The following HPSE2 variants were observed in gnomAD, a reference collection of about 807,000 sequenced individuals.
HPSE2 encodes the protein inactive heparanase-2.
In HPSE2, 38 loss-of-function variants were observed where a neutral mutation model predicts 60.5. The ratio of observed to expected loss-of-function variants is 0.63; its 90% CI spans 0.48 to 0.82. HPSE2 has a LOEUF of 0.82. Ranked by LOEUF, HPSE2 falls within the 40% of genes least tolerant of loss-of-function variation. The probability of loss-of-function intolerance (pLI) is 0.00; values close to 1 mark genes in which losing one functional copy is unlikely to be tolerated. For synonymous variants in HPSE2, 295 were observed against 293.2 expected (o/e 1.01, Z -0.06); for missense variants, 713 against 740.4 (o/e 0.96, Z 0.43).
At chr10:98,668,480 C>T (rs901404147) in intron 6 of HPSE2, among the ~76,000 whole-genome samples, 7 of 152,000 alleles carry the variant, frequency 4.6e-5, no homozygotes, top group African/African-American at 1.7e-4. Flanking sequence ...AAAAGAACAA[C>T]GCCAGAGACA....
At chr10:99,110,592 A>T (rs1371446488) in intron 3 of HPSE2, among the ~76,000 whole-genome samples, 1 of 152,180 alleles carries the variant, frequency 6.6e-6, no homozygotes, top group Non-Finnish European at 1.5e-5. Context: ...ATTGGCCATT[A>T]AAAATAATGA....
intron 3 of HPSE2, among the ~76,000 whole-genome samples, chr10:99,107,611 C>A (rs1276434586): frequency 2.6e-5 from 4 of 152,128 alleles, no homozygotes; most frequent in Admixed American, 2.6e-4. Context: ...GTTTAGTGAG[C>A]TACCCTGGAA....
intron 6 of HPSE2, 140 bp from the exon 7 acceptor site, chr10:98,642,080 C>A (rs1177153236): frequency 2.8e-6 from 2 of 721,566 alleles, no homozygotes; most frequent in Non-Finnish European, 4.9e-6. Context: ...AGGTTTTGAA[C>A]CTGGGTACTT....
intron 3 of HPSE2, among the ~76,000 whole-genome samples, chr10:98,790,193 G>A (rs908981288): frequency 1.3e-5 from 2 of 152,212 alleles, no homozygotes; most frequent in African/African-American, 4.8e-5. Context: ...ATATTCCATT[G>A]TGTATATGTG....
intron 9 of HPSE2, among the ~76,000 whole-genome samples, chr10:98,539,248 A>G (rs1209582190): frequency 6.6e-6 from 1 of 152,204 alleles, no homozygotes; most frequent in Non-Finnish European, 1.5e-5. Context: ...TAGGCTGGGC[A>G]CTGTGGCTCA....
chr10:98,923,725 A>G (rs1590084805), intron 3 of HPSE2, among the ~76,000 whole-genome samples: 1 of 152,162 alleles, frequency 6.6e-6, no homozygotes, highest in East Asian at 1.9e-4. Context: ...ACAGTTTTCA[A>G]TTCTAGAATT....
chr10:98,557,456 C>T (rs1438054499), intron 9 of HPSE2, among the ~76,000 whole-genome samples: 3 of 152,074 alleles, frequency 2.0e-5, no homozygotes, highest in Non-Finnish European at 2.9e-5. Flanking sequence ...CTACCTTATC[C>T]CATACAATAA....
chr10:98,462,478 C>G lies in HPSE2; in HGVS notation c.1614-2739G>C, dbSNP rs187852088. Among the ~76,000 whole-genome samples the G allele has an allele frequency of 1.1e-4, 17 of 152,340 alleles. 1 individual carries two copies. In the East Asian group the frequency reaches 3.3e-3, roughly 29 times the overall value. On this transcript the variant is annotated intron_variant, in intron 11 of 11. Transcript: ENST00000370552. ...ACAGGCATGAGCCACCGTGTCTGAC[C>G]TGTTGTTGCTATTGTTTTTAATGTC...
intron 11 of HPSE2, among the ~76,000 whole-genome samples, chr10:98,467,367 ACT>A (rs1940580427): frequency 6.6e-6 from 1 of 152,168 alleles, no homozygotes; most frequent in South Asian, 2.1e-4. Context: ...AGAAGGAAAG[ACT>A]CTGGACAGGA....
At chr10:99,224,988 A>C (rs1849426695) in intron 2 of HPSE2, among the ~76,000 whole-genome samples, 1 of 152,098 alleles carries the variant, frequency 6.6e-6, no homozygotes, top group Non-Finnish European at 1.5e-5. Context: ...ATGGTGACTA[A>C]ATCTTTGTAA....
At chr10:99,232,601 A>C in intron 1 of HPSE2, 96 bp from the exon 2 acceptor site, 1 of 1,370,378 alleles carries the variant, frequency 7.3e-7, no homozygotes, top group Non-Finnish European at 1.0e-6. Context: ...CCTGAGGGCG[A>C]CCTGGCCGGG....
At chr10:98,856,049 A>C (rs935708327) in intron 3 of HPSE2, among the ~76,000 whole-genome samples, 3 of 152,180 alleles carry the variant, frequency 2.0e-5, no homozygotes, top group African/African-American at 7.2e-5. Context: ...CATAAAATGC[A>C]AACTCCTGAG....
chr10:98,600,915 A>ATATGTGTGTGTG lies in HPSE2; in HGVS notation c.1320+13988_1320+13989insCACACACACATA, dbSNP rs1401707426. On this transcript the variant is annotated intron_variant, in intron 9 of 11. Transcript: ENST00000370552. ...TACGTATATATATGTGTGTGTGTATATATATATATATATATATATATATAT... is the reference window on the plus strand; with the variant it reads ...TACGTATATATATGTGTGTGTGTATATATGTGTGTGTGTATATATATATATATATATATATAT... Among the ~76,000 whole-genome samples, 86 of 33,596 alleles carry ATATGTGTGTGTG rather than the reference A, an allele frequency of 2.6e-3. 1 individual carries two copies. The highest frequency in any genetic ancestry group is 0.019 in the Middle Eastern group (1 of 54). 22.0% of individuals were successfully genotyped at this position (33,596 alleles called of 152,430 possible).
At chr10:98,860,198 T>C (rs1012527657) in intron 3 of HPSE2, among the ~76,000 whole-genome samples, 4 of 152,172 alleles carry the variant, frequency 2.6e-5, no homozygotes, top group East Asian at 1.9e-4. Context: ...GACTAATACA[T>C]TGATCCTTCT....
chr10:98,685,752 T>C (rs983356879), intron 6 of HPSE2, among the ~76,000 whole-genome samples: 1 of 152,204 alleles, frequency 6.6e-6, no homozygotes, highest in Non-Finnish European at 1.5e-5. Flanking sequence ...TTTCATTTCC[T>C]TTGGGTAAAT....
At chr10:98,515,233 T>A (rs1942563481) in intron 9 of HPSE2, among the ~76,000 whole-genome samples, 1 of 152,172 alleles carries the variant, frequency 6.6e-6, no homozygotes, top group African/African-American at 2.4e-5. Context: ...GGTGCCGACA[T>A]CTAGATCTCC....
At chr10:98,584,934 G>A (rs996439891) in intron 9 of HPSE2, among the ~76,000 whole-genome samples, 2 of 152,176 alleles carry the variant, frequency 1.3e-5, no homozygotes, top group Non-Finnish European at 2.9e-5. Flanking sequence ...AGTAGTAAAA[G>A]GCTCCTGTAG....
At chr10:99,075,844 CT>C (rs1004474819) in intron 3 of HPSE2, among the ~76,000 whole-genome samples, 3 of 152,094 alleles carry the variant, frequency 2.0e-5, no homozygotes, top group Non-Finnish European at 2.9e-5. Flanking sequence ...ACTCTGCTCT[CT>C]TTTGGTTACC....
At chr10:98,610,045 G>A (rs1188599596) in intron 9 of HPSE2, among the ~76,000 whole-genome samples, 1 of 152,060 alleles carries the variant, frequency 6.6e-6, no homozygotes, top group East Asian at 1.9e-4. Flanking sequence ...GTTTCACTAT[G>A]TTAGCCAGGA....
Sources: gnomAD v4.1 joint callset for allele counts (sites outside exome capture counted in the v4.1 genomes callset) on GRCh38, gnomAD v4.1.1 for gene constraint, MANE v1.5 for transcripts, NCBI Gene and HGNC (gene_info 2026-07-23, HGNC 2026-07-21) for gene names.